EDAR: variants seen among roughly 807,000 people sequenced by gnomAD.
EDAR encodes the protein ectodysplasin A receptor.
In EDAR, 38 loss-of-function variants were observed where a neutral mutation model predicts 51.3. That is an observed-to-expected ratio of 0.74 (90% CI 0.57 to 0.97). The LOEUF is 0.97. Ranked by LOEUF, EDAR falls within the 50% of genes least tolerant of loss-of-function variation. EDAR has a pLI of 0.00. For missense variants in EDAR, 528 were observed against 595.0 expected (o/e 0.89, Z 1.17); for synonymous variants, 227 against 242.1 (o/e 0.94, Z 0.58).
chr2:108,957,241 C>T (rs1697943199), intron 1 of EDAR, among the ~76,000 whole-genome samples: 1 of 152,248 alleles, frequency 6.6e-6, no homozygotes, highest in South Asian at 2.1e-4. Context: ...TGGTGGGCTC[C>T]CAGGTGGCTG....
chr2:108,948,232 A>C (rs1291929565), intron 1 of EDAR, among the ~76,000 whole-genome samples: 1 of 152,190 alleles, frequency 6.6e-6, no homozygotes, highest in Non-Finnish European at 1.5e-5. Flanking sequence ...ATCTGAGACC[A>C]CCTAAGCCTG....
chr2:108,929,872 G>A (rs1022218831), intron 3 of EDAR, among the ~76,000 whole-genome samples: 4 of 152,206 alleles, frequency 2.6e-5, no homozygotes, highest in African/African-American at 9.7e-5. Context: ...AGGGTAGAGT[G>A]GGAAAGTGAT....
intron 1 of EDAR, among the ~76,000 whole-genome samples, chr2:108,987,322 C>A (rs1698515277): frequency 6.6e-6 from 1 of 152,212 alleles, no homozygotes; most frequent in Non-Finnish European, 1.5e-5. Flanking sequence ...AGAAGAGGCT[C>A]CCCATTTAAC....
chr2:108,955,481 C>T (rs1697902023), intron 1 of EDAR, among the ~76,000 whole-genome samples: 1 of 152,152 alleles, frequency 6.6e-6, no homozygotes, highest in Admixed American at 6.5e-5. Flanking sequence ...GGTGCAGTGG[C>T]TCACACCTGT....
rs576354909 is a variant in EDAR, at chr2:108,953,767, G to T, written c.-18-22735C>A. On this transcript the variant is annotated intron_variant, in intron 1 of 11. Coordinates refer to ENST00000258443, the MANE Select transcript of EDAR (RefSeq NM_022336.4). ...ACAATAAAGAAGCACCAGAAAACTG[G>T]CAGGTGGAGAGGCCAGTTAGGCAGA... is the stretch of plus-strand genomic sequence containing the variant. Among the ~76,000 whole-genome samples, 9 of 152,290 alleles carry T rather than the reference G, an allele frequency of 5.9e-5. No individual in the cohort carries two copies. The East Asian group carries it at 1.5e-3, about 26-fold the overall frequency.
At position 108,949,988 on chromosome 2, in the gene EDAR, G is replaced by A. The variant is rs553105244; in HGVS notation, c.-18-18956C>T. ...GGGAGTAGGGGGAACTGTGGAGATTGGGTGCAGCAAACTGGACAAATCAAT... is the reference window on the plus strand; with the variant it reads ...GGGAGTAGGGGGAACTGTGGAGATTAGGTGCAGCAAACTGGACAAATCAAT... On this transcript the variant is annotated intron_variant, in intron 1 of 11. Coordinates refer to ENST00000258443, the MANE Select transcript of EDAR (RefSeq NM_022336.4). Among the ~76,000 whole-genome samples, 36 of 152,298 alleles carry A rather than the reference G, an allele frequency of 2.4e-4. No homozygotes were observed. In the South Asian group the frequency reaches 7.0e-3, roughly 30 times the overall value.
intron 1 of EDAR, among the ~76,000 whole-genome samples, chr2:108,969,854 A>G (rs1282372009): frequency 6.6e-6 from 1 of 152,236 alleles, no homozygotes; most frequent in Admixed American, 6.5e-5. Flanking sequence ...TAACTTGTGC[A>G]GGGATCCAAA....
chr2:108,913,893 T>C (rs1057194496), intron 5 of EDAR, among the ~76,000 whole-genome samples: 1 of 140,542 alleles, frequency 7.1e-6, no homozygotes, highest in Admixed American at 8.0e-5. Flanking sequence ...GAGCTTGCAG[T>C]GAGCTGAGAT....
At chr2:108,945,125 G>A (rs1697691493) in intron 1 of EDAR, among the ~76,000 whole-genome samples, 1 of 152,136 alleles carries the variant, frequency 6.6e-6, no homozygotes, top group African/African-American at 2.4e-5. Context: ...CTGTCCGTGA[G>A]GCAGCTCAGG....
chr2:108,936,762 AT>A (rs1010721944), intron 1 of EDAR, among the ~76,000 whole-genome samples: 2 of 152,152 alleles, frequency 1.3e-5, no homozygotes, highest in Non-Finnish European at 2.9e-5. Flanking sequence ...GCTAATTAAT[AT>A]TAGATTGGGA....
intron 1 of EDAR, among the ~76,000 whole-genome samples, chr2:108,937,296 GGGGT>G (rs1364860651): frequency 6.6e-6 from 1 of 152,248 alleles, no homozygotes; most frequent in Non-Finnish European, 1.5e-5. Context: ...GCCCCTCAAA[GGGGT>G]GGGCTGTGTC....
At position 108,894,937 on chromosome 2, in the gene EDAR, C is replaced by G. The variant is rs1359815934; in HGVS notation, c.*1970G>C. The G allele has an allele frequency of 6.6e-6, 1 of 152,150 alleles. No homozygotes were observed. Among genetic ancestry groups the G allele is most frequent in the African/African-American group, 2.4e-5 (1 of 41,418 alleles). 9.4% of individuals were successfully genotyped at this position (152,150 alleles called of 1,614,324 possible). A position where few individuals can be genotyped will look rare whatever the true frequency, so the allele number is the denominator to read the frequency against. On this transcript the variant is annotated 3_prime_UTR_variant, in exon 12 of 12. Transcript: ENST00000258443. ...ACCCCACTCTTTCGCTGAAAACATTCTGAGGAGGGTGCAAGCTGTTATCCT... is the reference window on the plus strand; with the variant it reads ...ACCCCACTCTTTCGCTGAAAACATTGTGAGGAGGGTGCAAGCTGTTATCCT...
rs542256089 is a variant in EDAR, at chr2:108,981,741, T to G, written c.-19+7219A>C. Among the ~76,000 whole-genome samples the G allele has an allele frequency of 2.6e-5, 4 of 152,248 alleles. No homozygotes were observed. In the South Asian group the frequency reaches 8.3e-4, roughly 32 times the overall value. On this transcript the variant is annotated intron_variant, in intron 1 of 11. Transcript: ENST00000258443. ...CAGCTCTCATTTCTGAACGAGCCCA[T>G]GGAAACGACAGCAAGGCGAAGTCCA...
chr2:108,928,730 C>A (rs1697305596), intron 4 of EDAR, among the ~76,000 whole-genome samples: 1 of 152,168 alleles, frequency 6.6e-6, no homozygotes, highest in African/African-American at 2.4e-5. Context: ...AGGCTAATTG[C>A]ATTTTCAGCT....
chr2:108,906,819 C>G (rs955797466), intron 10 of EDAR, among the ~76,000 whole-genome samples: 1 of 152,222 alleles, frequency 6.6e-6, no homozygotes, highest in African/African-American at 2.4e-5. Flanking sequence ...CCACCTATCT[C>G]CCTTGTAACA....
intron 4 of EDAR, among the ~76,000 whole-genome samples, chr2:108,926,804 A>T (rs1574383768): frequency 7.2e-5 from 11 of 152,182 alleles, no homozygotes; most frequent in Admixed American, 7.2e-4. Flanking sequence ...CCCAGGAGAG[A>T]CTGGGACAAG....
chr2:108,950,953 G>A (rs1029140218), intron 1 of EDAR, among the ~76,000 whole-genome samples: 4 of 152,224 alleles, frequency 2.6e-5, no homozygotes, highest in Admixed American at 6.5e-5. Context: ...AAGGGCAGCT[G>A]CCAGTTGGGG....
At chr2:108,978,200 G>A (rs1175016561) in intron 1 of EDAR, among the ~76,000 whole-genome samples, 6 of 152,190 alleles carry the variant, frequency 3.9e-5, no homozygotes, top group East Asian at 1.9e-4. Flanking sequence ...GGGGATAGAC[G>A]TGCATATCTT....
chr2:108,948,700 A>G (rs1697763300), intron 1 of EDAR, among the ~76,000 whole-genome samples: 1 of 152,164 alleles, frequency 6.6e-6, no homozygotes, highest in Non-Finnish European at 1.5e-5. Flanking sequence ...TATCATGAGA[A>G]CAACATGGGG....
Sources: gnomAD v4.1 joint callset for allele counts (sites outside exome capture counted in the v4.1 genomes callset) on GRCh38, gnomAD v4.1.1 for gene constraint, MANE v1.5 for transcripts, NCBI Gene and HGNC (gene_info 2026-07-23, HGNC 2026-07-21) for gene names.